CACNA1C: variants seen among roughly 807,000 people sequenced by gnomAD.
CACNA1C encodes the protein voltage-dependent L-type calcium channel subunit alpha-1C.
Under a neutral mutation model 229.0 loss-of-function variants are expected in CACNA1C, and 30 were observed. That is an observed-to-expected ratio of 0.13 (90% confidence interval 0.10 to 0.18). CACNA1C has a LOEUF of 0.18. CACNA1C is among the 10% of genes least tolerant of loss of function. The pLI, the probability that CACNA1C is intolerant of heterozygous loss-of-function variation, is 1.00. For synonymous variants in CACNA1C, 1,114 were observed against 1,132.5 expected, an observed-to-expected ratio of 0.98 and a Z score of 0.33; for missense variants, 1,658 against 2,845.0, an observed-to-expected ratio of 0.58 and a Z score of 9.49.
At chr12:2,151,459 A>G (rs2095260175) in intron 3 of CACNA1C, among the ~76,000 whole-genome samples, 1 of 152,026 alleles carries the variant, frequency 6.6e-6, no homozygotes, top group Non-Finnish European at 1.5e-5. Context: ...GGTTTGGAGT[A>G]GCAGAACCAG....
chr12:2,004,454 G>A, intron 1 of CACNA1C: 3 of 1,593,842 alleles, frequency 1.9e-6, no homozygotes, highest in Non-Finnish European at 2.6e-6. Flanking sequence ...CCAGACATAG[G>A]CACGGGGCTC....
At chr12:2,031,482 A>G (rs1455653628) in intron 1 of CACNA1C, among the ~76,000 whole-genome samples, 2 of 152,170 alleles carry the variant, frequency 1.3e-5, no homozygotes, top group African/African-American at 4.8e-5. Context: ...CCTCTGCTGC[A>G]TTCCTTGTCC....
chr12:2,679,715 T>C lies in CACNA1C; in HGVS notation c.5363T>C (p.Val1788Ala), dbSNP rs1291945037. ...CGCCCCGCCGGCTACCCCAGCACGG[T>C]CAGCACTGTGGAGGGCCACGGGCCC... Reference protein sequence around the residue: ...LPRPAGYPSTVSTVEGHGPPL... With the variant: ...LPRPAGYPSTASTVEGHGPPL... Residue 1788 changes from valine to alanine, a missense_variant, in exon 42 of 47, where the codon GTC (valine) becomes GCC (alanine). Physicochemically the swap from Val to Ala is moderately conservative, Grantham distance 64 (BLOSUM62 0). Transcript: ENST00000399655. The surrounding 1 kb of genome is among the most constrained non-coding windows in gnomAD (Gnocchi z 5.5). The C allele has an allele frequency of 1.9e-6, 3 of 1,609,062 alleles. No homozygotes were observed. The East Asian group carries it at 6.7e-5, about 36-fold the overall frequency.
rs1046678065 is a variant in CACNA1C at position 2,694,752 on chromosome 12, C to G, written c.*3553C>G. 6.6e-6 allele frequency: 1 copy of G among 152,242 alleles called. No individual in the cohort carries two copies. Among genetic ancestry groups the G allele is most frequent in the Non-Finnish European group, 1.5e-5 (1 of 68,044 alleles). The allele number at this position is 152,242 out of a possible 1,614,324, so 9.4% of individuals were successfully genotyped here. ...CTCAGGAGAAGCAGACCTTTCCATGCCCAAGTTCATCTCCTGAGCAACAGT... is the reference window on the plus strand; with the variant it reads ...CTCAGGAGAAGCAGACCTTTCCATGGCCAAGTTCATCTCCTGAGCAACAGT... On this transcript the variant is annotated 3_prime_UTR_variant, in exon 47 of 47. Transcript: ENST00000399655.
At chr12:2,660,546 C>T (rs1425390603) in intron 34 of CACNA1C, 1 of 152,144 alleles carries the variant, frequency 6.6e-6, no homozygotes, top group Non-Finnish European at 1.5e-5. Flanking sequence ...ATAAGTAAGG[C>T]CCGGTGCGGT....
At position 2,348,706 on chromosome 12, in the gene CACNA1C, G is replaced by A. The variant is rs761957950; in HGVS notation, c.478-100270G>A. 1.3e-5 allele frequency among the ~76,000 whole-genome samples: 2 copies of A among 152,046 alleles called. No individual in the cohort carries two copies. The highest frequency in any genetic ancestry group is 2.4e-5 in the African/African-American group (1 of 41,406). On this transcript the variant is annotated intron_variant, in intron 3 of 46. Coordinates refer to ENST00000399655, the MANE Select transcript of CACNA1C (RefSeq NM_000719.7). The surrounding 1 kb of genome is among the most constrained non-coding windows in gnomAD (Gnocchi z 4.7). ...CCCAGAGGGACCCAGAGTGTGGGGC[G>A]CCCTGGAGAAGGAGCTGGGAATGTC... is the stretch of plus-strand genomic sequence containing the variant.
chr12:2,687,564 A>C, intron 45 of CACNA1C, among the ~76,000 whole-genome samples: 1 of 144,918 alleles, frequency 6.9e-6, no homozygotes, highest in South Asian at 2.2e-4. Flanking sequence ...TTTGAGACAG[A>C]GTTTTGCTCT....
At chr12:2,075,548 A>G (rs770761513) in intron 1 of CACNA1C, among the ~76,000 whole-genome samples, 1 of 152,234 alleles carries the variant, frequency 6.6e-6, no homozygotes. Flanking sequence ...TCTGGCTTCT[A>G]AAACGCTTTG....
intron 3 of CACNA1C, among the ~76,000 whole-genome samples, chr12:2,263,336 A>G (rs1427388838): frequency 6.6e-6 from 1 of 152,138 alleles, no homozygotes; most frequent in African/African-American, 2.4e-5. Context: ...AGGTAGGAGC[A>G]GGGAGGAGGC....
intron 3 of CACNA1C, among the ~76,000 whole-genome samples, chr12:2,322,342 A>G (rs576588675): frequency 6.6e-6 from 1 of 152,306 alleles, no homozygotes; most frequent in South Asian, 2.1e-4. Flanking sequence ...CAGGTGGACT[A>G]AGGGCTGGGA....
At chr12:2,281,550 G>GT (rs912798577) in intron 3 of CACNA1C, among the ~76,000 whole-genome samples, 1 of 152,120 alleles carries the variant, frequency 6.6e-6, no homozygotes, top group African/African-American at 2.4e-5. Flanking sequence ...TTTTTACTTA[G>GT]TATAGAATTC....
intron 1 of CACNA1C, among the ~76,000 whole-genome samples, chr12:2,060,724 C>T (rs1006393356): frequency 1.1e-4 from 16 of 152,176 alleles, no homozygotes; most frequent in African/African-American, 3.9e-4. Context: ...AATTTGCCAA[C>T]AGGGGTTTCT....
At chr12:2,338,283 G>T (rs2096760306) in intron 3 of CACNA1C, among the ~76,000 whole-genome samples, 1 of 152,196 alleles carries the variant, frequency 6.6e-6, no homozygotes, top group Non-Finnish European at 1.5e-5. Flanking sequence ...ATCGGTAAAT[G>T]AAGAAAACGG....
At position 2,602,043 on chromosome 12, in the gene CACNA1C, G is replaced by A; in HGVS notation, c.2960+83G>A. On this transcript the variant is annotated intron_variant, in intron 22 of 46. Coordinates refer to ENST00000399655, the MANE Select transcript of CACNA1C (RefSeq NM_000719.7). The surrounding 1 kb of genome is among the most constrained non-coding windows in gnomAD (Gnocchi z 4.4). Reference sequence around the variant, plus strand: ...AGGACAACCAGACCCTGGAGGGCCTGCCTGCAGGGCCACCGCAGTGTGATG... The same window carrying A: ...AGGACAACCAGACCCTGGAGGGCCTACCTGCAGGGCCACCGCAGTGTGATG... 1.2e-6 allele frequency: 1 copy of A among 862,434 alleles called. No homozygotes were observed. The highest frequency in any genetic ancestry group is 2.0e-6 in the Non-Finnish European group (1 of 505,968). 53.4% of individuals were successfully genotyped at this position (862,434 alleles called of 1,614,324 possible).
At chr12:2,232,227 G>GTTTTTTTTTTTTTTTTTTTTT (rs1169407536) in intron 3 of CACNA1C, among the ~76,000 whole-genome samples, 11 of 73,546 alleles carry the variant, frequency 1.5e-4, no homozygotes, top group Non-Finnish European at 2.1e-4. Context: ...GTCTTTCCTT[G>GTTTTTTTTTTTTTTTTTTTTT]TTTTTTTTTT....
chr12:2,045,710 C>T (rs1860045), intron 1 of CACNA1C, among the ~76,000 whole-genome samples: 52,258 of 151,720 alleles, frequency 0.34, 9,768 homozygotes, highest in East Asian at 0.59. Context: ...ACTTGAGATT[C>T]AAGTGAAAAT....
At chr12:2,025,942 G>C (rs76986465) in intron 1 of CACNA1C, among the ~76,000 whole-genome samples, 1 of 151,906 alleles carries the variant, frequency 6.6e-6, no homozygotes, top group Non-Finnish European at 1.5e-5. Context: ...ACCAAGGGGG[G>C]AAGACATTTA....
At chr12:2,621,718 G>A (rs1049500361) in intron 29 of CACNA1C, among the ~76,000 whole-genome samples, 1 of 152,162 alleles carries the variant, frequency 6.6e-6, no homozygotes, top group Non-Finnish European at 1.5e-5. Context: ...TGGATGTGAG[G>A]GTGAGGAACA....
chr12:2,475,792 TA>T (rs2099624004), intron 5 of CACNA1C, among the ~76,000 whole-genome samples: 2 of 152,232 alleles, frequency 1.3e-5, no homozygotes, highest in Non-Finnish European at 2.9e-5. Flanking sequence ...TCGTTATTTT[TA>T]AGTTAATGTG....
Sources: allele counts gnomAD v4.1 joint callset (sites outside exome capture counted in the v4.1 genomes callset), GRCh38; gene constraint gnomAD v4.1.1; non-coding constraint Gnocchi (gnomAD v3.1); transcripts MANE v1.5; gene names NCBI Gene and HGNC (gene_info 2026-07-23, HGNC 2026-07-21).